ZNF761: variants seen among roughly 807,000 people sequenced by gnomAD.
ZNF761 encodes zinc finger protein 761.
Under a neutral mutation model 59.9 loss-of-function variants are expected in ZNF761, and 43 were observed. The observed-to-expected ratio is 0.72, with a 90% CI of 0.56 to 0.92. The LOEUF (loss-of-function observed/expected upper bound fraction) is 0.92, where lower values mean the gene tolerates loss of function less well. Ranked by LOEUF, ZNF761 falls within the 40% of genes least tolerant of loss-of-function variation. ZNF761 has a pLI of 0.00. For synonymous variants in ZNF761, 294 were observed against 304.8 expected (o/e 0.96, Z 0.37); for missense variants, 850 against 906.1 (o/e 0.94, Z 0.79).
intron 1 of ZNF761, among the ~76,000 whole-genome samples, chr19:53,435,230 G>GTTA (rs1230507498): frequency 3.4e-5 from 5 of 145,950 alleles, no homozygotes; most frequent in African/African-American, 1.3e-4. Flanking sequence ...CATAAGGTTG[G>GTTA]TTATTTCCTG....
intron 1 of ZNF761, chr19:53,442,497 C>T: frequency 1.4e-6 from 1 of 732,466 alleles, no homozygotes; most frequent in East Asian, 2.5e-5. Context: ...AGTAGCCAAG[C>T]TGGAAAAGAC....
intron 2 of ZNF761, among the ~76,000 whole-genome samples, chr19:53,446,626 G>C (rs1429933202): frequency 6.6e-6 from 1 of 152,062 alleles, no homozygotes; most frequent in East Asian, 1.9e-4. Context: ...ACCCTCCTCA[G>C]CCTTCCAGAG....
Position 53,449,647 on chromosome 19 carries a change from A to G in ZNF761, c.142+9A>G, listed in dbSNP as rs57791030. The G allele has an allele frequency of 0.11, 173,175 of 1,564,028 alleles. 14,249 individuals are homozygous for G. Among genetic ancestry groups the G allele is most frequent in the African/African-American group, 0.4 (28,129 of 70,980 alleles). On this transcript the variant is annotated intron_variant, in intron 4 of 4. Coordinates refer to ENST00000684525, the MANE Select transcript of ZNF761 (RefSeq NM_001289951.2). ...GAACCTGGTCTCCCTGGGTGAGGAT[A>G]ACTTCCCTCCAGAAGTGGGAATGTG...
chr19:53,441,974 A>G (rs1184651895), intron 1 of ZNF761: 16 of 1,386,718 alleles, frequency 1.2e-5, no homozygotes, highest in South Asian at 7.0e-5. Context: ...AGCTGAGGGA[A>G]AAAGGTGGGC....
chr19:53,444,734 C>G (rs370635455), intron 1 of ZNF761: 3 of 152,382 alleles, frequency 2.0e-5, no homozygotes, highest in African/African-American at 4.8e-5. Context: ...GAAATAGCCA[C>G]AGGTGTGGAG....
chr19:53,435,572 G>T (rs1387462471), intron 1 of ZNF761, among the ~76,000 whole-genome samples: 1 of 151,946 alleles, frequency 6.6e-6, no homozygotes, highest in Non-Finnish European at 1.5e-5. Flanking sequence ...AAAAGGGCTG[G>T]AATTACAGGC....
Position 53,441,799 on chromosome 19 carries a change from G to A in ZNF761, c.-184-4428G>A. ...CTTTTTTAATTCATAATCACAGAGA[G>A]GAGTCTGCAATGCCGAGTGGAGGAA... On this transcript the variant is annotated intron_variant, in intron 1 of 4. Transcript: ENST00000684525. 3.7e-6 allele frequency: 4 copies of A among 1,084,372 alleles called. No individual in the cohort carries two copies. The South Asian group carries it at 5.1e-5, about 14-fold the overall frequency. The allele number at this position is 1,084,372 out of a possible 1,614,324, so 67.2% of individuals were successfully genotyped here.
intron 1 of ZNF761, among the ~76,000 whole-genome samples, chr19:53,435,058 A>G (rs779651910): frequency 5.9e-5 from 9 of 152,068 alleles, no homozygotes; most frequent in Non-Finnish European, 1.2e-4. Flanking sequence ...TGGCTTTAGA[A>G]TGGTGAAATT....
rs2086281471 is a variant in ZNF761, at chr19:53,457,331, G to A, written c.*583G>A. 2 of 404,728 alleles carry A rather than the reference G, an allele frequency of 4.9e-6. No individual in the cohort carries two copies. The highest frequency in any genetic ancestry group is 1.0e-5 in the Non-Finnish European group (2 of 199,868). 25.1% of individuals were successfully genotyped at this position (404,728 alleles called of 1,614,324 possible). ...AACGCTGGAGAGAAACCTTACAAATGTCATGACTGTGGCAAGGTCTTCAGT... is the reference window on the plus strand; with the variant it reads ...AACGCTGGAGAGAAACCTTACAAATATCATGACTGTGGCAAGGTCTTCAGT... On this transcript the variant is annotated 3_prime_UTR_variant, in exon 5 of 5. Transcript: ENST00000684525.
chr19:53,449,619 T>G lies in ZNF761; in HGVS notation c.123T>G (p.Tyr41Ter). ...ACAGGGACGTGATGCTGGAGAATTA[T>G]AGGAACCTGGTCTCCCTGGGTGAGG... ...TLYRDVMLEN[Y>*]RNLVSLDISS... is the part of the protein sequence containing the mutation. The change falls in exon 4 of 5, where the codon TAT becomes TAG. Residue 41 changes from tyrosine (Y) to a stop codon, truncating the protein, a stop_gained. Coordinates refer to ENST00000684525, the MANE Select transcript of ZNF761 (RefSeq NM_001289951.2). LOFTEE classifies it high-confidence loss of function. 13 of 1,609,872 alleles carry G rather than the reference T, an allele frequency of 8.1e-6. No homozygotes were observed. The highest frequency in any genetic ancestry group is 1.1e-5 in the Non-Finnish European group (13 of 1,178,080).
intron 4 of ZNF761, chr19:53,449,841 C>T (rs899771380): frequency 7.2e-6 from 9 of 1,250,702 alleles, no homozygotes; most frequent in African/African-American, 6.1e-5. Context: ...TGCATGCCAC[C>T]ATGTTTGGGC....
chr19:53,432,850 G>A lies in ZNF761; in HGVS notation c.-185+822G>A, dbSNP rs60546458. 8.7e-3 allele frequency among the ~76,000 whole-genome samples: 1,313 copies of A among 151,032 alleles called. 14 individuals are homozygous for A. The highest frequency in any genetic ancestry group is 0.031 in the African/African-American group (1,250 of 40,770). ...AAGTGCAGAAATGTAGAGAAAAGCT[G>A]GATGTACAGAGAGATGAAGGACAGC... is the stretch of plus-strand genomic sequence containing the variant. On this transcript the variant is annotated intron_variant, in intron 1 of 4. Coordinates refer to ENST00000684525, the MANE Select transcript of ZNF761 (RefSeq NM_001289951.2).
At chr19:53,454,195 T>C (rs574685040) in intron 4 of ZNF761, among the ~76,000 whole-genome samples, 3 of 152,244 alleles carry the variant, frequency 2.0e-5, no homozygotes, top group Non-Finnish European at 4.4e-5. Context: ...ATACAGAATT[T>C]CCATTGATTT....
chr19:53,434,729 A>T (rs1327980313), intron 1 of ZNF761, among the ~76,000 whole-genome samples: 1 of 152,182 alleles, frequency 6.6e-6, no homozygotes, highest in Admixed American at 6.5e-5. Flanking sequence ...TCGGGGGAAG[A>T]GTCAGTTAGA....
chr19:53,441,243 C>T (rs768296099), intron 1 of ZNF761, among the ~76,000 whole-genome samples: 1 of 152,152 alleles, frequency 6.6e-6, no homozygotes, highest in Non-Finnish European at 1.5e-5. Context: ...AATCCTGCCA[C>T]TGCACTGCAG....
chr19:53,448,589 C>T (rs2617736), intron 3 of ZNF761, among the ~76,000 whole-genome samples: 8,951 of 152,070 alleles, frequency 0.059, 383 homozygotes, highest in African/African-American at 0.12. Context: ...TAATGGATTT[C>T]CATACTTTGA....
chr19:53,455,319 A>T lies in ZNF761; in HGVS notation c.812A>T (p.Lys271Met). ...TGTCACACTGGTGAGAATCCTTACA[A>T]GTGTAATGAGTGTGGCAAGACCTTC... The part of the protein sequence containing the change: ...RRCHTGENPY[K>M]CNECGKTFSQ... The change falls in exon 5 of 5, where the codon AAG becomes ATG. Residue 271 changes from lysine (K) to methionine (M), a missense_variant. Lys to Met is a moderately conservative substitution (Grantham distance 95). Transcript: ENST00000684525. 6 of 1,614,234 alleles carry T rather than the reference A, an allele frequency of 3.7e-6. No homozygotes were observed. The highest frequency in any genetic ancestry group is 4.2e-6 in the Non-Finnish European group (5 of 1,180,034).
At chr19:53,439,787 C>T (rs1309121718) in intron 1 of ZNF761, among the ~76,000 whole-genome samples, 2 of 152,096 alleles carry the variant, frequency 1.3e-5, no homozygotes, top group Non-Finnish European at 2.9e-5. Context: ...TGGCATTGGA[C>T]TAAAATCTTA....
At chr19:53,436,213 T>A (rs1344512228) in intron 1 of ZNF761, among the ~76,000 whole-genome samples, 1 of 152,202 alleles carries the variant, frequency 6.6e-6, no homozygotes, top group Non-Finnish European at 1.5e-5. Flanking sequence ...AAGATTACAG[T>A]ACAGGGCCCA....
Sources: allele counts gnomAD v4.1 joint callset (sites outside exome capture counted in the v4.1 genomes callset), GRCh38; gene constraint gnomAD v4.1.1; transcripts MANE v1.5; gene names NCBI Gene and HGNC (gene_info 2026-07-23, HGNC 2026-07-21).